The following SLC13A3 variants were observed in gnomAD, a reference collection of about 807,000 sequenced individuals.
SLC13A3 encodes the protein solute carrier family 13 member 3.
In SLC13A3, 40 loss-of-function variants were observed where a neutral mutation model predicts 59.0. That is an observed-to-expected ratio of 0.68 (90% CI 0.53 to 0.88). The LOEUF (loss-of-function observed/expected upper bound fraction) is 0.88, where lower values mean the gene tolerates loss of function less well. SLC13A3 is among the 40% of genes least tolerant of loss of function. The pLI is 0.00. For missense variants in SLC13A3, 699 were observed against 783.2 expected (o/e 0.89, Z 1.28); for synonymous variants, 317 against 330.3 (o/e 0.96, Z 0.44).
rs2062227141 is a variant in SLC13A3, at chr20:46,589,187, T to G, written c.989A>C (p.Glu330Ala). The stretch of plus-strand genomic sequence containing the variant: ...GATGGGCCCCAGGTTCTGGTATTCT[T>G]CCCGAATTACAGCTCGAGCCCTATC... The part of the protein sequence containing the change: ...AEDRARAVIR[E>A]EYQNLGPIKF... The change falls in exon 7 of 13, where the codon GAA (glutamate) becomes GCA (alanine). Residue 330 changes from glutamate (E) to alanine (A), a missense_variant. Transcript: ENST00000279027. 6.2e-7 allele frequency: 1 copy of G among 1,614,052 alleles called. No homozygotes were observed. The highest frequency in any genetic ancestry group is 8.5e-7 in the Non-Finnish European group (1 of 1,180,026).
chr20:46,674,160 C>T (rs2063108669), upstream of SLC13A3, among the ~76,000 whole-genome samples: 1 of 152,198 alleles, frequency 6.6e-6, no homozygotes, highest in Non-Finnish European at 1.5e-5. Context: ...TCCCCTCCAC[C>T]TCCGCACCCT....
intron 1 of SLC13A3, among the ~76,000 whole-genome samples, chr20:46,642,981 C>T (rs146375585): frequency 1.3e-5 from 2 of 152,292 alleles, no homozygotes; most frequent in East Asian, 1.9e-4. Context: ...TGGAGAGAAT[C>T]GTAGTAGCTC....
chr20:46,639,858 C>T (rs2062830191), intron 1 of SLC13A3, among the ~76,000 whole-genome samples: 1 of 152,220 alleles, frequency 6.6e-6, no homozygotes. Context: ...GGGTCCATCA[C>T]CTCTGGGTCA....
chr20:46,602,150 T>C (rs2062386202), intron 3 of SLC13A3, among the ~76,000 whole-genome samples: 1 of 152,068 alleles, frequency 6.6e-6, no homozygotes, highest in African/African-American at 2.4e-5. Context: ...CTGAGCCAGA[T>C]AGTGAGACCA....
intron 7 of SLC13A3, 104 bp downstream of exon 7, chr20:46,589,056 T>A: frequency 1.0e-6 from 1 of 957,860 alleles, no homozygotes; most frequent in Non-Finnish European, 1.6e-6. Flanking sequence ...GGTCCTGGAA[T>A]TCCCCTGGAG....
rs529389040 is a variant in SLC13A3 at position 46,597,908 on chromosome 20, C to T, written c.609-1566G>A. Reference sequence around the variant, plus strand: ...TCTAAGCGAATGAAACTGAGAATTGCTGTAGCACTGATAGATATGTTAATG... The same window carrying T: ...TCTAAGCGAATGAAACTGAGAATTGTTGTAGCACTGATAGATATGTTAATG... On this transcript the variant is annotated intron_variant, in intron 4 of 12. Coordinates refer to ENST00000279027, the MANE Select transcript of SLC13A3 (RefSeq NM_022829.6). 5.3e-5 allele frequency among the ~76,000 whole-genome samples: 8 copies of T among 152,242 alleles called. No homozygotes were observed. In the South Asian group the frequency reaches 1.7e-3, roughly 32 times the overall value.
chr20:46,600,419 AAGGAAAGG>A (rs1454009611), intron 3 of SLC13A3, among the ~76,000 whole-genome samples: 2 of 133,198 alleles, frequency 1.5e-5, no homozygotes, highest in African/African-American at 2.6e-5. Flanking sequence ...GGAAGGAAGG[AAGGAAAGG>A]AAGGAAGGAA....
At chr20:46,610,334 T>C in intron 3 of SLC13A3, 112 bp downstream of exon 3, 2 of 936,286 alleles carry the variant, frequency 2.1e-6, no homozygotes, top group Non-Finnish European at 3.3e-6. Flanking sequence ...TGACGCATAG[T>C]AGGTGCTCAA....
At chr20:46,564,794 A>C (rs1246299879) in intron 11 of SLC13A3, among the ~76,000 whole-genome samples, 1 of 152,220 alleles carries the variant, frequency 6.6e-6, no homozygotes, top group Non-Finnish European at 1.5e-5. Flanking sequence ...GTCATTGTTG[A>C]GTAACAGCAA....
At chr20:46,663,836 T>C (rs1005906704) in intron 1 of SLC13A3, among the ~76,000 whole-genome samples, 2 of 152,140 alleles carry the variant, frequency 1.3e-5, no homozygotes, top group African/African-American at 4.8e-5. Flanking sequence ...CTGTAATAAC[T>C]CTAGTATAGG....
upstream of SLC13A3, among the ~76,000 whole-genome samples, chr20:46,654,147 G>T (rs557036996): frequency 6.6e-6 from 1 of 152,140 alleles, no homozygotes; most frequent in Non-Finnish European, 1.5e-5. Flanking sequence ...ATCCTAATAG[G>T]TGTGAAGTGG....
chr20:46,596,907 G>T (rs2062317737), intron 4 of SLC13A3, among the ~76,000 whole-genome samples: 1 of 152,078 alleles, frequency 6.6e-6, no homozygotes, highest in South Asian at 2.1e-4. Flanking sequence ...TTAAAAATCA[G>T]CTGGGCATGG....
chr20:46,616,834 G>A (rs544250904), intron 1 of SLC13A3, among the ~76,000 whole-genome samples: 70 of 152,296 alleles, frequency 4.6e-4, no homozygotes, highest in South Asian at 8.3e-4. Flanking sequence ...CTTAGGCTGG[G>A]AACCTGAATA....
chr20:46,634,166 T>G (rs916684524), intron 1 of SLC13A3, among the ~76,000 whole-genome samples: 2 of 152,118 alleles, frequency 1.3e-5, no homozygotes, highest in Admixed American at 1.3e-4. Flanking sequence ...CTCTGGTAGG[T>G]TCTAGTAGAG....
chr20:46,596,868 T>C (rs1446253969), intron 4 of SLC13A3, among the ~76,000 whole-genome samples: 9 of 152,028 alleles, frequency 5.9e-5, no homozygotes, highest in Admixed American at 5.9e-4. Context: ...CTGGGCAATA[T>C]AGTGAGATCC....
chr20:46,581,971 C>T (rs2062143215), intron 9 of SLC13A3, among the ~76,000 whole-genome samples: 2 of 152,140 alleles, frequency 1.3e-5, no homozygotes, highest in Admixed American at 6.5e-5. Flanking sequence ...TTCCAGCCTC[C>T]CTGAGGTCCA....
At chr20:46,613,823 T>C (rs1328373540) in intron 1 of SLC13A3, 98 bp from the exon 2 acceptor site, 1 of 992,100 alleles carries the variant, frequency 1.0e-6, no homozygotes, top group Non-Finnish European at 1.4e-6. Context: ...AGGCCTGGGC[T>C]GGGGGCAGAG....
chr20:46,679,020 G>A (rs1054484019), intron 1 of SLC13A3, among the ~76,000 whole-genome samples: 65 of 152,202 alleles, frequency 4.3e-4, no homozygotes, highest in Non-Finnish European at 7.6e-4. Context: ...CACCATGATC[G>A]GAAGCTTCCT....
At chr20:46,634,540 C>A (rs1279323166) in intron 1 of SLC13A3, among the ~76,000 whole-genome samples, 1 of 152,158 alleles carries the variant, frequency 6.6e-6, no homozygotes, top group East Asian at 1.9e-4. Context: ...CCAACCCCTC[C>A]CCTACAGTGG....
Sources: gnomAD v4.1 joint callset for allele counts (sites outside exome capture counted in the v4.1 genomes callset) on GRCh38, gnomAD v4.1.1 for gene constraint, MANE v1.5 for transcripts, NCBI Gene and HGNC (gene_info 2026-07-23, HGNC 2026-07-21) for gene names.